The following ATP9B variants were observed in gnomAD, a reference collection of about 807,000 sequenced individuals.
ATP9B encodes probable phospholipid-transporting ATPase IIB.
ATP9B carries 110 observed loss-of-function variants against 146.1 expected under a neutral mutation model. The observed-to-expected ratio is 0.75, with a 90% CI of 0.65 to 0.88. The LOEUF is 0.88. Among genes scored for constraint, ATP9B ranks in the 40% least tolerant of loss-of-function variants. The pLI, the probability that ATP9B is intolerant of heterozygous loss-of-function variation, is 0.00. For synonymous variants in ATP9B, 604 were observed against 569.7 expected (o/e 1.06, Z -0.86); for missense variants, 1,499 against 1,496.4 (o/e 1.00, Z -0.03).
intron 25 of ATP9B, among the ~76,000 whole-genome samples, chr18:79,352,261 C>G (rs1159006227): frequency 6.6e-6 from 1 of 152,166 alleles, no homozygotes; most frequent in Admixed American, 6.5e-5. Flanking sequence ...TCGTTAAAGT[C>G]AGATTGAACC....
chr18:79,336,765 G>A, intron 18 of ATP9B, 54 bp downstream of exon 18: 1 of 1,547,160 alleles, frequency 6.5e-7, no homozygotes, highest in East Asian at 2.3e-5. Flanking sequence ...TCCTTACGCT[G>A]AAATTAGTTC....
intron 8 of ATP9B, among the ~76,000 whole-genome samples, chr18:79,191,976 G>A (rs2095371068): frequency 6.6e-6 from 1 of 152,190 alleles, no homozygotes; most frequent in African/African-American, 2.4e-5. Flanking sequence ...GTTTTAACTG[G>A]TAGCTAACTT....
At chr18:79,179,036 G>T (rs1483633245) in intron 8 of ATP9B, among the ~76,000 whole-genome samples, 1 of 152,130 alleles carries the variant, frequency 6.6e-6, no homozygotes, top group Non-Finnish European at 1.5e-5. Context: ...AATTTCTTTG[G>T]TATAGAGTTA....
intron 1 of ATP9B, among the ~76,000 whole-genome samples, chr18:79,094,286 T>C (rs182509737): frequency 1.3e-5 from 2 of 152,380 alleles, no homozygotes; most frequent in Admixed American, 1.3e-4. Context: ...TGTTGATTCA[T>C]ATACAGAATT....
chr18:79,258,581 C>T (rs1319781597), intron 12 of ATP9B, among the ~76,000 whole-genome samples: 1 of 152,212 alleles, frequency 6.6e-6, no homozygotes, highest in Non-Finnish European at 1.5e-5. Context: ...CACCCACACC[C>T]CAGGTGAAGT....
chr18:79,113,311 C>G lies in ATP9B; in HGVS notation c.515C>G (p.Pro172Arg). 6.3e-7 allele frequency: 1 copy of G among 1,599,874 alleles called. No homozygotes were observed. The highest frequency in any genetic ancestry group is 8.6e-7 in the Non-Finnish European group (1 of 1,169,292). ...FLVISCSQFVPALKIGYLYTY... is the reference protein window; with the variant it reads ...FLVISCSQFVRALKIGYLYTY... ...GTAATATCCTGCTCACAGTTTGTAC[C>G]AGCATTGAAAATAGGCTATCTCTAC... The change falls in exon 4 of 30, where the codon CCA becomes CGA. Residue 172 changes from proline (P) to arginine (R), a missense_variant. Pro to Arg is a moderately radical substitution (Grantham distance 103). Transcript: ENST00000426216.
intron 13 of ATP9B, among the ~76,000 whole-genome samples, chr18:79,301,536 G>A (rs1303900667): frequency 2.0e-5 from 3 of 152,242 alleles, no homozygotes; most frequent in Non-Finnish European, 4.4e-5. Context: ...CATGATGGTA[G>A]TCAGAGACTG....
At chr18:79,235,528 G>T (rs781291324) in intron 11 of ATP9B, among the ~76,000 whole-genome samples, 1 of 151,946 alleles carries the variant, frequency 6.6e-6, no homozygotes, top group Non-Finnish European at 1.5e-5. Context: ...GACACTTTTT[G>T]GTTTTTGTTT....
At position 79,206,961 on chromosome 18, in the gene ATP9B, G is replaced by C. The variant is rs2095540181; in HGVS notation, c.979G>C (p.Glu327Gln). Residue 327 changes from glutamate to glutamine, a missense_variant, in exon 10 of 30, where the codon GAA (glutamate) becomes CAA (glutamine). Physicochemically the swap from Glu to Gln is conservative, Grantham distance 29. Coordinates refer to ENST00000426216, the MANE Select transcript of ATP9B (RefSeq NM_198531.5). ...GGAAGACAGTGACCCGCCCATTCAT[G>C]AAAGTCTCAGCATAGAAAATACATT... Reference protein sequence around the residue: ...TREDSDPPIHESLSIENTLWA... With the variant: ...TREDSDPPIHQSLSIENTLWA... 6.2e-7 allele frequency: 1 copy of C among 1,613,948 alleles called. No homozygotes were observed. The highest frequency in any genetic ancestry group is 1.7e-5 in the Admixed American group (1 of 59,992).
chr18:79,301,039 A>G (rs1214465777), intron 13 of ATP9B, among the ~76,000 whole-genome samples: 1 of 152,268 alleles, frequency 6.6e-6, no homozygotes, highest in Non-Finnish European at 1.5e-5. Context: ...TTAACTTAGC[A>G]CATTTGTTAA....
At chr18:79,120,437 T>G (rs190820188) in intron 4 of ATP9B, among the ~76,000 whole-genome samples, 1 of 152,372 alleles carries the variant, frequency 6.6e-6, no homozygotes, top group East Asian at 1.9e-4. Context: ...GATAGCTTAA[T>G]TAATAATATT....
intron 9 of ATP9B, among the ~76,000 whole-genome samples, chr18:79,205,487 T>A (rs2095525608): frequency 1.3e-5 from 2 of 152,206 alleles, no homozygotes; most frequent in African/African-American, 4.8e-5. Context: ...ATTTCTTTTT[T>A]TTTTTCTTAA....
chr18:79,273,825 G>A (rs942146457), intron 12 of ATP9B, among the ~76,000 whole-genome samples: 1 of 152,198 alleles, frequency 6.6e-6, no homozygotes, highest in Non-Finnish European at 1.5e-5. Flanking sequence ...TTGGACAATA[G>A]GGAGGTATAA....
At chr18:79,286,679 G>A (rs1279016517) in intron 13 of ATP9B, among the ~76,000 whole-genome samples, 4 of 151,928 alleles carry the variant, frequency 2.6e-5, no homozygotes, top group Admixed American at 6.6e-5. Flanking sequence ...GTGAGAGAGG[G>A]CATCCCTGTC....
At chr18:79,235,488 G>C (rs548702472) in intron 11 of ATP9B, among the ~76,000 whole-genome samples, 1 of 151,840 alleles carries the variant, frequency 6.6e-6, no homozygotes, top group South Asian at 2.1e-4. Flanking sequence ...TGAATTTTGC[G>C]TAATAACAAT....
chr18:79,093,469 A>AT lies in ATP9B; in HGVS notation c.120-3001dup, dbSNP rs551617328. Among the ~76,000 whole-genome samples, 4 of 151,990 alleles carry AT rather than the reference A, an allele frequency of 2.6e-5. No homozygotes were observed. In the South Asian group the frequency reaches 8.3e-4, roughly 32 times the overall value. On this transcript the variant is annotated intron_variant, in intron 1 of 29. Transcript: ENST00000426216. Reference sequence around the variant, plus strand: ...TTGTGTTTCTCTGGCTGCTTTCAAGATTTTTTCCTTCATCTTTGCTTCTAG... The same window carrying AT: ...TTGTGTTTCTCTGGCTGCTTTCAAGATTTTTTTCCTTCATCTTTGCTTCTAG...
intron 11 of ATP9B, among the ~76,000 whole-genome samples, chr18:79,249,915 G>A (rs1369224113): frequency 6.6e-6 from 1 of 152,154 alleles, no homozygotes; most frequent in Non-Finnish European, 1.5e-5. Context: ...TATATTCCAG[G>A]AACAACAGTC....
intron 11 of ATP9B, among the ~76,000 whole-genome samples, chr18:79,247,577 ACAAT>A (rs2095980523): frequency 1.3e-5 from 2 of 152,298 alleles, no homozygotes; most frequent in Admixed American, 6.5e-5. Context: ...GGACAGAGTG[ACAAT>A]CAATATGCAT....
At chr18:79,219,748 C>G (rs2095660564) in intron 11 of ATP9B, among the ~76,000 whole-genome samples, 1 of 152,100 alleles carries the variant, frequency 6.6e-6, no homozygotes, top group African/African-American at 2.4e-5. Flanking sequence ...TAGCAGGACC[C>G]TGACAATTCA....
Sources: allele counts gnomAD v4.1 joint callset (sites outside exome capture counted in the v4.1 genomes callset), GRCh38; gene constraint gnomAD v4.1.1; transcripts MANE v1.5; gene names NCBI Gene and HGNC (gene_info 2026-07-23, HGNC 2026-07-21).